EXD3: variants seen among roughly 807,000 people sequenced by gnomAD.
EXD3 encodes the protein exonuclease 3'-5' domain containing 3.
EXD3 carries 92 observed loss-of-function variants against 98.0 expected under a neutral mutation model. The observed-to-expected ratio is 0.94, with a 90% CI of 0.79 to 1.12. The LOEUF (loss-of-function observed/expected upper bound fraction) is 1.12. Among genes scored for constraint, EXD3 ranks in the 50% most tolerant of loss-of-function variants. The probability of loss-of-function intolerance (pLI) is 0.00; values close to 1 mark genes in which losing one functional copy is unlikely to be tolerated. For missense variants in EXD3, 1,222 were observed against 1,191.6 expected, an observed-to-expected ratio of 1.03 and a Z score of -0.38; for synonymous variants, 569 against 526.0, an observed-to-expected ratio of 1.08 and a Z score of -1.12.
At chr9:137,365,840 GCA>G (rs1423932979) in intron 7 of EXD3, 3 of 346,026 alleles carry the variant, frequency 8.7e-6, no homozygotes, top group Non-Finnish European at 1.7e-5. Context: ...ATACACACCT[GCA>G]CAAACGAACA....
intron 17 of EXD3, among the ~76,000 whole-genome samples, chr9:137,328,881 ACTACACGGG>A (rs1832709547): frequency 7.1e-5 from 1 of 14,100 alleles, no homozygotes; most frequent in Admixed American, 6.7e-4. Flanking sequence ...ACTACACGGG[ACTACACGGG>A]GCTACACGGG....
rs758633422 is a variant in EXD3 at position 137,323,817 on chromosome 9, C to T, written c.2092G>A (p.Asp698Asn). ...QVGAGRCLSVDCSLKAQQQAK... is the reference protein window; with the variant it reads ...QVGAGRCLSVNCSLKAQQQAK... ...TGCTGCTGGGCCTTCAGGGAGCAGT[C>T]GACCGAGAGGCAGCGCCCAGCCCCG... The change falls in exon 19 of 22, where the codon GAC becomes AAC. Residue 698 changes from aspartate to asparagine, a missense_variant. Asp to Asn is a conservative substitution (Grantham distance 23, BLOSUM62 1). Coordinates refer to ENST00000340951, the MANE Select transcript of EXD3 (RefSeq NM_017820.5). The T allele has an allele frequency of 6.8e-6, 11 of 1,612,012 alleles. No individual in the cohort carries two copies. The highest frequency in any genetic ancestry group is 2.7e-5 in the African/African-American group (2 of 74,928).
chr9:137,321,748 C>T (rs776516096), intron 19 of EXD3, among the ~76,000 whole-genome samples: 51 of 152,144 alleles, frequency 3.4e-4, no homozygotes, highest in Non-Finnish European at 6.3e-4. Flanking sequence ...CTGCTCCAGG[C>T]GGAATATTGA....
chr9:137,354,865 C>T lies in EXD3; in HGVS notation c.758-92G>A, dbSNP rs150396924. On this transcript the variant is annotated intron_variant, in intron 8 of 21. Transcript: ENST00000340951. ...GGGCTGGAGACGGGCAGAGGGGCTG[C>T]GCCTGCCCCTTCACCGTCCTCCACC... 2,128 of 1,256,986 alleles carry T rather than the reference C, an allele frequency of 1.7e-3. 16 individuals are homozygous for T. In the African/African-American group the frequency reaches 0.023, roughly 14 times the overall value. The allele number at this position is 1,256,986 out of a possible 1,614,324, so 77.9% of individuals were successfully genotyped here.
chr9:137,402,212 C>T (rs1031266628), intron 1 of EXD3, among the ~76,000 whole-genome samples: 1 of 152,144 alleles, frequency 6.6e-6, no homozygotes, highest in Non-Finnish European at 1.5e-5. Flanking sequence ...GATGTGGTTT[C>T]ACCATATTGG....
rs896061345 is a variant in EXD3, at chr9:137,419,549, A to G, written c.-48+3565T>C. On this transcript the variant is annotated intron_variant, in intron 1 of 21. Coordinates refer to ENST00000340951, the MANE Select transcript of EXD3 (RefSeq NM_017820.5). The stretch of plus-strand genomic sequence containing the variant: ...CTGGGCATGGTGGCTCATGCCTGTA[A>G]TCCCAGTTACTTGGGAGGCTGAGAC... Among the ~76,000 whole-genome samples the G allele has an allele frequency of 3.3e-5, 5 of 152,094 alleles. No homozygotes were observed. The East Asian group carries it at 5.8e-4, about 18-fold the overall frequency.
intron 7 of EXD3, among the ~76,000 whole-genome samples, chr9:137,358,814 G>A (rs1332771284): frequency 6.6e-6 from 1 of 151,864 alleles, no homozygotes; most frequent in East Asian, 1.9e-4. Context: ...TCAGCCCTGA[G>A]TAGCAGGACT....
intron 16 of EXD3, among the ~76,000 whole-genome samples, chr9:137,348,872 G>C (rs1456463658): frequency 2.0e-5 from 3 of 151,668 alleles, no homozygotes; most frequent in African/African-American, 4.8e-5. Context: ...ATCAGGAGGG[G>C]ACTGGGGCAC....
intron 21 of EXD3, 52 bp from the exon 22 acceptor site, chr9:137,307,315 C>T: frequency 1.4e-6 from 2 of 1,444,254 alleles, no homozygotes; most frequent in Admixed American, 2.7e-5. Flanking sequence ...GGCACGGCCC[C>T]CAGGCTGCTC....
At chr9:137,350,637 C>T (rs1007759040) in intron 14 of EXD3, among the ~76,000 whole-genome samples, 28 of 65,356 alleles carry the variant, frequency 4.3e-4, no homozygotes, top group East Asian at 2.1e-3. Context: ...GTGGGGATCA[C>T]GGGGAGGGTT....
At position 137,309,660 on chromosome 9, in the gene EXD3, A is replaced by G. The variant is rs543001062; in HGVS notation, c.2225T>C (p.Met742Thr). The G allele has an allele frequency of 6.4e-7, 1 of 1,560,874 alleles. No individual in the cohort carries two copies. Among genetic ancestry groups the G allele is most frequent in the Non-Finnish European group, 8.7e-7 (1 of 1,152,502 alleles). ...CDQYLKVSRD[M>T]MKQLMWLSSH... ...GCTGAGCCACATGAGCTGCTTCATC[A>G]TGTCCCTGGAGACCTTTAGGTACTG... The change falls in exon 20 of 22, where the codon ATG becomes ACG. Residue 742 changes from methionine to threonine, a missense_variant. By Grantham distance (81) the Met-to-Thr change is moderately conservative (BLOSUM62 -1). Coordinates refer to ENST00000340951, the MANE Select transcript of EXD3 (RefSeq NM_017820.5).
At chr9:137,420,032 T>A (rs558718269) in intron 1 of EXD3, among the ~76,000 whole-genome samples, 1 of 151,966 alleles carries the variant, frequency 6.6e-6, no homozygotes, top group Non-Finnish European at 1.5e-5. Context: ...TGGTGGCAGG[T>A]GCCTGTAGTC....
At chr9:137,323,573 C>T (rs73668241) in intron 19 of EXD3, among the ~76,000 whole-genome samples, 152 bp downstream of exon 19, 7,597 of 82,924 alleles carry the variant, frequency 0.092, 711 homozygotes, top group African/African-American at 0.2. Flanking sequence ...GAGGGATGCT[C>T]TGCCGACACC....
In EXD3 at chr9:137,351,129, T is replaced by C; in HGVS notation, c.1403A>G (p.Asp468Gly). Residue 468 changes from aspartate (D) to glycine (G), a missense_variant, in exon 14 of 22, where the codon GAC becomes GGC. Asp to Gly is a moderately conservative substitution (Grantham distance 94). Transcript: ENST00000340951. ...GCAGGACGTGCCCAGTTTTTGCAGGTCCCCCACCATCCCGTAGCCTGTGGG... is the reference window on the plus strand; with the variant it reads ...GCAGGACGTGCCCAGTTTTTGCAGGCCCCCCACCATCCCGTAGCCTGTGGG... Reference protein sequence around the residue: ...ITKLGYGMVGDLQKLGTSCPA... With the variant: ...ITKLGYGMVGGLQKLGTSCPA... 1 of 1,578,000 alleles carries C rather than the reference T, an allele frequency of 6.3e-7. No homozygotes were observed. The highest frequency in any genetic ancestry group is 8.6e-7 in the Non-Finnish European group (1 of 1,162,758).
Position 137,351,429 on chromosome 9 carries a change from C to T in EXD3, c.1273G>A (p.Val425Met), listed in dbSNP as rs372891499. Residue 425 changes from valine (V) to methionine (M), a missense_variant, in exon 13 of 22, where the codon GTG becomes ATG. Val to Met is a conservative substitution (Grantham distance 21). Coordinates refer to ENST00000340951, the MANE Select transcript of EXD3 (RefSeq NM_017820.5). The part of the protein sequence containing the change: ...SLLQVAVEGH[V>M]FLLDVLALSQ... ...AGTGCCAGGACGTCCAGAAGGAACA[C>T]GTGGCCCTCCACGGCCACCTGCAGG... 4.3e-4 allele frequency: 696 copies of T among 1,607,414 alleles called. 10 individuals carry two copies. The South Asian group carries it at 6.6e-3, about 15-fold the overall frequency.
chr9:137,407,878 A>AG lies in EXD3; in HGVS notation c.-47-12475dup, dbSNP rs2131814998. Among the ~76,000 whole-genome samples, 1 of 152,138 alleles carries AG rather than the reference A, an allele frequency of 6.6e-6. No homozygotes were observed. The highest frequency in any genetic ancestry group is 2.1e-4 in the South Asian group (1 of 4,820). ...AGCAAAGGGTCTGGGGGGAGGCCGGAGGGGGCTTTCCCCTTGGGCACCATG... is the reference window on the plus strand; with the variant it reads ...AGCAAAGGGTCTGGGGGGAGGCCGGAGGGGGGCTTTCCCCTTGGGCACCATG... On this transcript the variant is annotated intron_variant, in intron 1 of 21. Coordinates refer to ENST00000340951, the MANE Select transcript of EXD3 (RefSeq NM_017820.5). This position sits in a 1 kb window ranked among gnomAD's most constrained non-coding sequence, Gnocchi z 4.4.
rs2119274568 is a variant in EXD3 at position 137,360,668 on chromosome 9, C to T, written c.657-4300G>A. Among the ~76,000 whole-genome samples the T allele has an allele frequency of 2.4e-5, 2 of 84,428 alleles. 1 individual carries two copies. The highest frequency in any genetic ancestry group is 5.8e-5 in the Non-Finnish European group (2 of 34,618). 55.4% of individuals were successfully genotyped at this position (84,428 alleles called of 152,430 possible). A position where few individuals can be genotyped will look rare whatever the true frequency, so the allele number is the denominator to read the frequency against. On this transcript the variant is annotated intron_variant, in intron 7 of 21. Transcript: ENST00000340951. ...TAGAGACGAGATTTCACCATGTTTG[C>T]TAGGCTGGTCTGGAACTCCTGACCT...
chr9:137,421,972 C>A (rs928132404), intron 1 of EXD3, among the ~76,000 whole-genome samples: 1 of 151,960 alleles, frequency 6.6e-6, no homozygotes. Flanking sequence ...TGTGTTACTT[C>A]TGAGAAAATT....
chr9:137,364,356 T>C (rs1014145420), intron 7 of EXD3, among the ~76,000 whole-genome samples: 1 of 152,064 alleles, frequency 6.6e-6, no homozygotes, highest in Non-Finnish European at 1.5e-5. Flanking sequence ...GTGCGGTGGC[T>C]CATGCCTGTA....
Sources: gnomAD v4.1 joint callset for allele counts (sites outside exome capture counted in the v4.1 genomes callset) on GRCh38, gnomAD v4.1.1 for gene constraint, Gnocchi (gnomAD v3.1) non-coding constraint, MANE v1.5 for transcripts, NCBI Gene and HGNC (gene_info 2026-07-23, HGNC 2026-07-21) for gene names.